The following EIF2AK3 variants were observed in gnomAD, a reference collection of about 807,000 sequenced individuals.
The protein encoded by EIF2AK3 is eukaryotic translation initiation factor 2 alpha kinase 3, also known as eukaryotic translation initiation factor 2-alpha kinase 3.
In EIF2AK3, 50 loss-of-function variants were observed where a neutral mutation model predicts 113.5. That is an observed-to-expected ratio of 0.44 (90% confidence interval 0.35 to 0.56). The LOEUF (loss-of-function observed/expected upper bound fraction) is 0.56. Among genes scored for constraint, EIF2AK3 ranks in the 20% least tolerant of loss-of-function variants. The pLI, the probability that EIF2AK3 is intolerant of heterozygous loss-of-function variation, is 0.00. For missense variants in EIF2AK3, 1,185 were observed against 1,378.0 expected, an observed-to-expected ratio of 0.86 and a Z score of 2.22; for synonymous variants, 448 against 495.4, an observed-to-expected ratio of 0.90 and a Z score of 1.27.
chr2:88,593,248 C>T (rs201166305), intron 4 of EIF2AK3, 24 bp downstream of exon 4: 22 of 1,613,684 alleles, frequency 1.4e-5, no homozygotes, highest in Admixed American at 1.3e-4. Flanking sequence ...ATAATACCAA[C>T]AGCAACATTA....
intron 1 of EIF2AK3, among the ~76,000 whole-genome samples, chr2:88,622,905 A>T (rs1410712250): frequency 6.6e-6 from 1 of 152,252 alleles, no homozygotes; most frequent in Non-Finnish European, 1.5e-5. Context: ...AAGAGAAATT[A>T]TATCATCTTA....
intron 12 of EIF2AK3, chr2:88,575,720 A>G: frequency 2.2e-6 from 1 of 449,366 alleles, no homozygotes; most frequent in Non-Finnish European, 4.1e-6. Flanking sequence ...AAAGCCTTTT[A>G]TGCAAAGTGA....
chr2:88,573,252 T>C (rs546784863), intron 13 of EIF2AK3, among the ~76,000 whole-genome samples: 1 of 152,306 alleles, frequency 6.6e-6, no homozygotes, highest in Admixed American at 6.5e-5. Flanking sequence ...TTCTGGTGCA[T>C]AGACAATTAC....
intron 2 of EIF2AK3, among the ~76,000 whole-genome samples, chr2:88,602,438 G>T (rs866432333): frequency 6.6e-6 from 1 of 152,028 alleles, no homozygotes; most frequent in Non-Finnish European, 1.5e-5. Flanking sequence ...GGAGAAGAGG[G>T]GGTAAGAAAA....
chr2:88,606,166 A>T (rs2104458234), intron 2 of EIF2AK3, among the ~76,000 whole-genome samples: 1 of 152,318 alleles, frequency 6.6e-6, no homozygotes, highest in Admixed American at 6.5e-5. Flanking sequence ...CTCAAGGGAA[A>T]CTACCAGACT....
intron 2 of EIF2AK3, among the ~76,000 whole-genome samples, chr2:88,598,474 C>T (rs1031668155): frequency 1.3e-5 from 2 of 152,088 alleles, no homozygotes; most frequent in Non-Finnish European, 2.9e-5. Context: ...ACTGCATCAC[C>T]TATGTAGTAT....
At position 88,557,818 on chromosome 2, in the gene EIF2AK3, T is replaced by C. The variant is rs1329497693; in HGVS notation, c.3269A>G (p.Gln1090Arg). ...LDFPGKTVLR[Q>R]RSRSLSSSGT... ...CGATGAACTCAAGGAGCGAGACCTCTGTCTGAGCACTGTTTTTCCTGGAAA... is the reference window on the plus strand; with the variant it reads ...CGATGAACTCAAGGAGCGAGACCTCCGTCTGAGCACTGTTTTTCCTGGAAA... Residue 1090 changes from glutamine to arginine, a missense_variant, in exon 17 of 17, where the codon CAG becomes CGG. Gln to Arg is a conservative substitution (Grantham distance 43). This residue lies in a region of EIF2AK3 where 877 missense variants were observed against 1,024.2 expected (regional missense o/e 0.86). Transcript: ENST00000303236. 1.2e-6 allele frequency: 2 copies of C among 1,614,032 alleles called. No individual in the cohort carries two copies. The highest frequency in any genetic ancestry group is 1.7e-6 in the Non-Finnish European group (2 of 1,179,988).
chr2:88,622,112 G>C (rs1026440142), intron 1 of EIF2AK3, among the ~76,000 whole-genome samples: 3 of 152,032 alleles, frequency 2.0e-5, no homozygotes, highest in Non-Finnish European at 4.4e-5. Context: ...GGCCAGGCTG[G>C]TCTTGAACTC....
chr2:88,602,231 A>G (rs1283794199), intron 2 of EIF2AK3, among the ~76,000 whole-genome samples: 2 of 152,192 alleles, frequency 1.3e-5, no homozygotes, highest in East Asian at 3.8e-4. Flanking sequence ...TTTCTTGATT[A>G]GTGACTCAGG....
intron 2 of EIF2AK3, among the ~76,000 whole-genome samples, chr2:88,609,460 A>G (rs1675375851): frequency 6.6e-6 from 1 of 152,228 alleles, no homozygotes; most frequent in South Asian, 2.1e-4. Context: ...AACTAAAGGA[A>G]AAAAACAGAG....
chr2:88,565,943 T>C (rs1674108224), intron 14 of EIF2AK3, among the ~76,000 whole-genome samples: 1 of 152,226 alleles, frequency 6.6e-6, no homozygotes, highest in African/African-American at 2.4e-5. Flanking sequence ...TTTGGATACT[T>C]TTGGTTGCAA....
At position 88,590,858 on chromosome 2, in the gene EIF2AK3, G is replaced by T. The variant is rs993234315; in HGVS notation, c.962C>A (p.Ala321Glu). 3.2e-5 allele frequency: 52 copies of T among 1,613,944 alleles called. No homozygotes were observed. The highest frequency in any genetic ancestry group is 4.2e-5 in the Non-Finnish European group (49 of 1,180,004). Residue 321 changes from alanine to glutamate, a missense_variant, in exon 5 of 17, where the codon GCA (alanine) becomes GAA (glutamate). By Grantham distance (107) the Ala-to-Glu change is moderately radical (BLOSUM62 -1). Coordinates refer to ENST00000303236, the MANE Select transcript of EIF2AK3 (RefSeq NM_004836.7). The part of the protein sequence containing the change: ...KVSVADWKVM[A>E]FSKKGGHLEW... ...CAGATGTCCTCCCTTCTTACTGAAT[G>T]CCATAACTTTCCAGTCAGCAACCGA...
chr2:88,590,694 T>A, intron 5 of EIF2AK3, 89 bp from the exon 6 acceptor site: 1 of 1,570,940 alleles, frequency 6.4e-7, no homozygotes, highest in South Asian at 1.1e-5. Context: ...ATCACAAATT[T>A]ATAAAAGCAC....
intron 12 of EIF2AK3, 170 bp from the exon 13 acceptor site, chr2:88,575,616 C>T: frequency 2.8e-6 from 2 of 703,492 alleles, no homozygotes; most frequent in Non-Finnish European, 2.4e-6. Flanking sequence ...CAGAACATCA[C>T]ATTCCATTCA....
rs121908570 is a variant in EIF2AK3 at position 88,590,826 on chromosome 2, C to A, written c.994G>T (p.Glu332Ter). 1.2e-6 allele frequency: 2 copies of A among 1,613,972 alleles called. No homozygotes were observed. Among genetic ancestry groups the A allele is most frequent in the Non-Finnish European group, 1.7e-6 (2 of 1,179,878 alleles). The change falls in exon 5 of 17, where the codon GAG (glutamate) becomes TAG (stop). Residue 332 changes from glutamate (E) to a stop codon, truncating the protein, a stop_gained. Coordinates refer to ENST00000303236, the MANE Select transcript of EIF2AK3 (RefSeq NM_004836.7). LOFTEE classifies it high-confidence loss of function. ...FSKKGGHLEW[E>*]YQFCTPIASA... The stretch of plus-strand genomic sequence containing the variant: ...TCAGTGGTGTTAGGTACCTGGTACT[C>A]CCATTCCAGATGTCCTCCCTTCTTA...
intron 14 of EIF2AK3, among the ~76,000 whole-genome samples, chr2:88,562,608 G>A (rs917759735): frequency 1.3e-5 from 2 of 152,236 alleles, no homozygotes; most frequent in South Asian, 4.1e-4. Context: ...GAAAGCCCAG[G>A]TATAGCTCTG....
intron 11 of EIF2AK3, 131 bp from the exon 12 acceptor site, chr2:88,576,834 A>AT: frequency 9.9e-7 from 1 of 1,010,800 alleles, no homozygotes; most frequent in East Asian, 2.6e-5. Flanking sequence ...AATTAAAGAA[A>AT]TAAAATTAGC....
intron 4 of EIF2AK3, among the ~76,000 whole-genome samples, chr2:88,592,874 T>A (rs1468453550): frequency 6.6e-6 from 1 of 152,188 alleles, no homozygotes; most frequent in Admixed American, 6.5e-5. Flanking sequence ...AGTTCAGAAT[T>A]TGTTAATAAC....
Position 88,585,867 on chromosome 2 carries a change from T to C in EIF2AK3, c.1624A>G (p.Arg542Gly), listed in dbSNP as rs1429259695. ...CTGTGAGGATGAGGATGGAAAAGCC[T>C]GCGCACAATAAACGTTGTTGCTATG... is the stretch of plus-strand genomic sequence containing the variant. ...CIIATTFIVRRLFHPHPHRQR... is the reference protein window; with the variant it reads ...CIIATTFIVRGLFHPHPHRQR... The change falls in exon 9 of 17, where the codon AGG becomes GGG. Residue 542 changes from arginine (R) to glycine (G), a missense_variant. This residue lies in a region of EIF2AK3 where 877 missense variants were observed against 1,024.2 expected (regional missense o/e 0.86). Coordinates refer to ENST00000303236, the MANE Select transcript of EIF2AK3 (RefSeq NM_004836.7). 2 of 1,614,042 alleles carry C rather than the reference T, an allele frequency of 1.2e-6. No individual in the cohort carries two copies. The highest frequency in any genetic ancestry group is 1.3e-5 in the African/African-American group (1 of 75,042).
Sources: gnomAD v4.1 joint callset for allele counts (sites outside exome capture counted in the v4.1 genomes callset) on GRCh38, gnomAD v4.1.1 for gene constraint, gnomAD v4.1.1 regional missense constraint, MANE v1.5 for transcripts, NCBI Gene and HGNC (gene_info 2026-07-23, HGNC 2026-07-21) for gene names.